The following FAM184A variants were observed in gnomAD, a reference collection of about 807,000 sequenced individuals.
The protein encoded by FAM184A is protein FAM184A.
Under a neutral mutation model 143.8 loss-of-function variants are expected in FAM184A, and 99 were observed. That is an observed-to-expected ratio of 0.69 (90% CI 0.58 to 0.81). FAM184A has a LOEUF of 0.81. Among genes scored for constraint, FAM184A ranks in the 40% least tolerant of loss-of-function variants. The pLI is 0.00. For synonymous variants in FAM184A, 427 were observed against 446.4 expected (o/e 0.96, Z 0.55); for missense variants, 1,217 against 1,310.5 (o/e 0.93, Z 1.10).
Position 119,024,265 on chromosome 6 carries a change from C to T in FAM184A, c.708G>A (p.Glu236=). 1 of 1,614,190 alleles carries T rather than the reference C, an allele frequency of 6.2e-7. No homozygotes were observed. Residue 236 remains glutamate, a synonymous_variant, in exon 2 of 18, where the codon GAG becomes GAA. Coordinates refer to ENST00000338891, the MANE Select transcript of FAM184A (RefSeq NM_024581.6). ...TTAGTTTCTTCCGTTCAAGTCTTAG[C>T]TCCTCAAGCATTTTGTTTAGGGACT... The part of the protein sequence containing the change: ...EVESLNKMLE[E]LRLERKKLIE...
intron 1 of FAM184A, among the ~76,000 whole-genome samples, chr6:119,120,631 G>A (rs1562158607): frequency 6.6e-6 from 1 of 152,104 alleles, no homozygotes; most frequent in Non-Finnish European, 1.5e-5. Context: ...ACGTATGAGG[G>A]TTCAAATTTC....
intron 1 of FAM184A, among the ~76,000 whole-genome samples, chr6:119,039,371 T>C (rs561239550): frequency 1.3e-5 from 2 of 152,300 alleles, no homozygotes; most frequent in East Asian, 3.9e-4. Flanking sequence ...AAGTGCCAAA[T>C]CTCAAAAGTA....
intron 9 of FAM184A, among the ~76,000 whole-genome samples, chr6:118,995,584 T>C (rs2114622472): frequency 6.6e-6 from 1 of 152,274 alleles, no homozygotes; most frequent in East Asian, 1.9e-4. Context: ...TCTGAAAATT[T>C]CCCAAAACAA....
chr6:118,986,815 T>A (rs1784210864), intron 9 of FAM184A, among the ~76,000 whole-genome samples: 1 of 152,202 alleles, frequency 6.6e-6, no homozygotes, highest in Non-Finnish European at 1.5e-5. Context: ...TTAGCACATA[T>A]GTCAAAATGT....
At chr6:119,094,968 A>G (rs1281883135) in intron 1 of FAM184A, among the ~76,000 whole-genome samples, 2 of 152,166 alleles carry the variant, frequency 1.3e-5, no homozygotes, top group East Asian at 1.9e-4. Flanking sequence ...CTTGCCCTGT[A>G]CACTTATAAG....
chr6:119,007,359 CA>C (rs1279308767), intron 6 of FAM184A, among the ~76,000 whole-genome samples: 2 of 151,932 alleles, frequency 1.3e-5, no homozygotes, highest in Non-Finnish European at 2.9e-5. Flanking sequence ...CTTGTAAATA[CA>C]GACATTACAA....
chr6:119,048,733 C>A (rs183656139), intron 1 of FAM184A, among the ~76,000 whole-genome samples: 1 of 152,008 alleles, frequency 6.6e-6, no homozygotes, highest in Admixed American at 6.5e-5. Flanking sequence ...CTCATGGACA[C>A]AGAGAGTAGA....
At chr6:119,110,826 G>A (rs1433711267) in intron 1 of FAM184A, among the ~76,000 whole-genome samples, 1 of 152,170 alleles carries the variant, frequency 6.6e-6, no homozygotes, top group Non-Finnish European at 1.5e-5. Context: ...AGGCGACCTG[G>A]GGAAAAATGT....
At chr6:119,097,972 C>T (rs148720656) in intron 1 of FAM184A, among the ~76,000 whole-genome samples, 3 of 152,260 alleles carry the variant, frequency 2.0e-5, no homozygotes, top group East Asian at 1.9e-4. Flanking sequence ...GCAGTAAGGC[C>T]GAACAACCAC....
rs1783981929 is a variant in FAM184A at position 118,980,269 on chromosome 6, G to C, written c.2170C>G (p.Gln724Glu). The change falls in exon 10 of 18, where the codon CAA becomes GAA. Residue 724 changes from glutamine to glutamate, a missense_variant. Coordinates refer to ENST00000338891, the MANE Select transcript of FAM184A (RefSeq NM_024581.6). Reference protein sequence around the residue: ...SLQQLQAQFTQERQRLTQELE... With the variant: ...SLQQLQAQFTEERQRLTQELE... ...TCTTGCGTAAGCCGCTGTCGTTCTTGCGTAAACTGGGCTTGCAGTTGTTGC... is the reference window on the plus strand; with the variant it reads ...TCTTGCGTAAGCCGCTGTCGTTCTTCCGTAAACTGGGCTTGCAGTTGTTGC... The C allele has an allele frequency of 1.2e-6, 2 of 1,613,930 alleles. No individual in the cohort carries two copies. Among genetic ancestry groups the C allele is most frequent in the African/African-American group, 2.7e-5 (2 of 74,876 alleles).
At chr6:119,011,642 T>C (rs989173737) in intron 5 of FAM184A, among the ~76,000 whole-genome samples, 20 of 152,334 alleles carry the variant, frequency 1.3e-4, no homozygotes, top group African/African-American at 4.8e-4. Context: ...TATACTTTTT[T>C]TAAATGGTGA....
intron 1 of FAM184A, among the ~76,000 whole-genome samples, chr6:119,071,062 T>C (rs1321876656): frequency 6.6e-6 from 1 of 152,210 alleles, no homozygotes; most frequent in African/African-American, 2.4e-5. Flanking sequence ...ATTTAAGAGA[T>C]ACAAAATTTT....
intron 1 of FAM184A, among the ~76,000 whole-genome samples, chr6:119,065,022 T>C (rs1787392038): frequency 6.6e-6 from 1 of 152,170 alleles, no homozygotes; most frequent in Non-Finnish European, 1.5e-5. Context: ...CTCAGAACTC[T>C]CCCATCAATT....
At chr6:119,060,732 G>C (rs1392341023) in intron 1 of FAM184A, among the ~76,000 whole-genome samples, 2 of 152,136 alleles carry the variant, frequency 1.3e-5, no homozygotes, top group Non-Finnish European at 2.9e-5. Flanking sequence ...GTACTGAATA[G>C]TGAGTTAGTT....
At chr6:119,079,541 G>T (rs551616402), upstream of FAM184A, among the ~76,000 whole-genome samples, 2 of 152,130 alleles carry the variant, frequency 1.3e-5, no homozygotes, top group Non-Finnish European at 2.9e-5. Context: ...CAAGTCAAAT[G>T]ATTTTTTAAA....
rs760990446 is a variant in FAM184A, at chr6:119,062,631, G to A, written c.159+15510C>T. On this transcript the variant is annotated intron_variant, in intron 1 of 17. Coordinates refer to ENST00000338891, the MANE Select transcript of FAM184A (RefSeq NM_024581.6). ...GCTGTGATCGCACCACTGCATTCCA[G>A]CCTGGGTGACAGAGAGAGACCCTAT... Among the ~76,000 whole-genome samples, 63 of 152,146 alleles carry A rather than the reference G, an allele frequency of 4.1e-4. 1 individual carries two copies. The highest frequency in any genetic ancestry group is 7.8e-4 in the Non-Finnish European group (53 of 68,022).
intron 1 of FAM184A, among the ~76,000 whole-genome samples, chr6:119,065,105 T>C: frequency 6.6e-6 from 1 of 152,234 alleles, no homozygotes; most frequent in Non-Finnish European, 1.5e-5. Flanking sequence ...AGAATCTTTC[T>C]GTAGTTATTT....
intron 1 of FAM184A, among the ~76,000 whole-genome samples, chr6:119,111,410 G>A (rs1000890638): frequency 3.3e-5 from 5 of 152,180 alleles, no homozygotes; most frequent in Non-Finnish European, 7.3e-5. Context: ...TTTCAGTTGG[G>A]GAAGATGAAA....
intron 1 of FAM184A, among the ~76,000 whole-genome samples, chr6:119,089,244 C>A (rs1040657362): frequency 6.6e-6 from 1 of 150,674 alleles, no homozygotes; most frequent in Admixed American, 6.6e-5. Context: ...CACTCTGTCA[C>A]CGAGGCTGGA....
Sources: allele counts gnomAD v4.1 joint callset (sites outside exome capture counted in the v4.1 genomes callset), GRCh38; gene constraint gnomAD v4.1.1; transcripts MANE v1.5; gene names NCBI Gene and HGNC (gene_info 2026-07-23, HGNC 2026-07-21).